The following XKR6 variants were observed in gnomAD, a reference collection of about 807,000 sequenced individuals.
XKR6 encodes the protein XK related 6.
A neutral mutation model predicts 56.7 loss-of-function variants in XKR6; 22 were observed. The observed-to-expected ratio is 0.39, with a 90% CI of 0.28 to 0.55. The LOEUF (loss-of-function observed/expected upper bound fraction) is 0.55, where lower values mean the gene tolerates loss of function less well. XKR6 is among the 20% of genes least tolerant of loss of function. The probability of loss-of-function intolerance (pLI) is 0.66; values close to 1 mark genes in which losing one functional copy is unlikely to be tolerated. For synonymous variants in XKR6, 524 were observed against 387.8 expected, an observed-to-expected ratio of 1.35 and a Z score of -4.13; for missense variants, 852 against 889.0, an observed-to-expected ratio of 0.96 and a Z score of 0.53.
At chr8:11,154,077 G>C (rs571834276) in intron 1 of XKR6, among the ~76,000 whole-genome samples, 66 of 152,264 alleles carry the variant, frequency 4.3e-4, no homozygotes, top group Non-Finnish European at 8.8e-5. Flanking sequence ...CTTTGCCCTC[G>C]GCTAGTGGGA....
At chr8:10,911,963 T>A (rs554186637) in intron 2 of XKR6, among the ~76,000 whole-genome samples, 1 of 147,398 alleles carries the variant, frequency 6.8e-6, no homozygotes, top group South Asian at 2.2e-4. Flanking sequence ...AGGTTGAGTT[T>A]ACACATATAT....
At chr8:10,904,481 G>C (rs546347160) in intron 2 of XKR6, among the ~76,000 whole-genome samples, 1 of 152,292 alleles carries the variant, frequency 6.6e-6, no homozygotes, top group Admixed American at 6.5e-5. Flanking sequence ...AGCCAGTTGG[G>C]GAACAAAGCA....
intron 1 of XKR6, chr8:11,194,933 C>T (rs1803789988): frequency 1.8e-6 from 1 of 545,642 alleles, no homozygotes; most frequent in African/African-American, 1.9e-5. Flanking sequence ...CGCTCCAAAG[C>T]ATGCCATTTT....
At chr8:10,918,481 C>A (rs1800624250) in intron 2 of XKR6, among the ~76,000 whole-genome samples, 1 of 152,210 alleles carries the variant, frequency 6.6e-6, no homozygotes. Flanking sequence ...TTGGCCATGG[C>A]ACAAGCCACC....
chr8:10,928,967 C>T (rs1182797340), intron 1 of XKR6, among the ~76,000 whole-genome samples: 1 of 152,214 alleles, frequency 6.6e-6, no homozygotes, highest in Non-Finnish European at 1.5e-5. Flanking sequence ...GCAGCAACGC[C>T]ACGTGTCCTC....
chr8:11,146,202 T>C (rs1176539316), intron 1 of XKR6, among the ~76,000 whole-genome samples: 1 of 152,178 alleles, frequency 6.6e-6, no homozygotes, highest in Non-Finnish European at 1.5e-5. Flanking sequence ...CAAAAAGTAA[T>C]GTAAAATGGA....
chr8:11,023,050 C>A (rs923953878), intron 1 of XKR6, among the ~76,000 whole-genome samples: 5 of 152,204 alleles, frequency 3.3e-5, no homozygotes, highest in African/African-American at 9.7e-5. Flanking sequence ...CCAGTTTGCT[C>A]AAACTCCAGA....
chr8:10,943,849 A>C (rs927767964), intron 1 of XKR6, among the ~76,000 whole-genome samples: 1 of 151,880 alleles, frequency 6.6e-6, no homozygotes, highest in East Asian at 1.9e-4. Context: ...CCACATCCCT[A>C]CGAATGAGAT....
At chr8:11,127,107 G>C (rs989079405) in intron 1 of XKR6, among the ~76,000 whole-genome samples, 13 of 152,106 alleles carry the variant, frequency 8.5e-5, no homozygotes, top group African/African-American at 3.1e-4. Flanking sequence ...GTGGTACATT[G>C]GATAAACATC....
intron 1 of XKR6, among the ~76,000 whole-genome samples, chr8:11,195,519 T>C (rs1180082167): frequency 2.0e-5 from 3 of 152,212 alleles, no homozygotes; most frequent in Non-Finnish European, 4.4e-5. Flanking sequence ...TATTGACACA[T>C]TATAGCACAT....
chr8:11,179,179 T>A (rs746172399), intron 1 of XKR6, among the ~76,000 whole-genome samples: 1 of 152,030 alleles, frequency 6.6e-6, no homozygotes, highest in East Asian at 1.9e-4. Context: ...TTCATTTTGA[T>A]TGGTTTCGGT....
At chr8:11,184,112 G>T (rs961598985) in intron 1 of XKR6, among the ~76,000 whole-genome samples, 3 of 152,080 alleles carry the variant, frequency 2.0e-5, no homozygotes, top group African/African-American at 7.2e-5. Context: ...GTGTATATTT[G>T]ACCTCTACCA....
intron 1 of XKR6, among the ~76,000 whole-genome samples, chr8:11,046,204 G>A (rs1323584467): frequency 2.0e-5 from 3 of 152,120 alleles, no homozygotes; most frequent in African/African-American, 7.2e-5. Context: ...TTTGAGACCA[G>A]CCTGATCAAT....
chr8:11,068,554 T>G (rs1333558088), intron 1 of XKR6, among the ~76,000 whole-genome samples: 1 of 152,112 alleles, frequency 6.6e-6, no homozygotes, highest in Non-Finnish European at 1.5e-5. Context: ...TTCTCCTCCC[T>G]GTCTCTTCTG....
At chr8:11,142,246 C>G (rs1269503048) in intron 1 of XKR6, among the ~76,000 whole-genome samples, 1 of 152,130 alleles carries the variant, frequency 6.6e-6, no homozygotes, top group Non-Finnish European at 1.5e-5. Flanking sequence ...AAAACTAGGA[C>G]TTCTTTGAAA....
At chr8:10,963,418 G>A (rs1802123602) in intron 1 of XKR6, among the ~76,000 whole-genome samples, 1 of 152,178 alleles carries the variant, frequency 6.6e-6, no homozygotes, top group Non-Finnish European at 1.5e-5. Flanking sequence ...CCTAGACACG[G>A]CTTTGCTTCG....
chr8:11,055,327 T>A (rs940455028), intron 1 of XKR6, among the ~76,000 whole-genome samples: 2 of 152,080 alleles, frequency 1.3e-5, no homozygotes, highest in African/African-American at 4.8e-5. Context: ...AGGAGGCATC[T>A]GATCAGATAT....
intron 1 of XKR6, among the ~76,000 whole-genome samples, chr8:10,982,319 G>C (rs143388794): frequency 1.3e-5 from 2 of 152,222 alleles, no homozygotes; most frequent in African/African-American, 4.8e-5. Flanking sequence ...AAGGAAGTCC[G>C]AAGAGATTTC....
At chr8:10,906,444 G>C (rs1563280637) in intron 2 of XKR6, among the ~76,000 whole-genome samples, 1 of 152,164 alleles carries the variant, frequency 6.6e-6, no homozygotes. Context: ...TTATCAGTCA[G>C]AATTAAATAC....
Sources: allele counts gnomAD v4.1 joint callset (sites outside exome capture counted in the v4.1 genomes callset), GRCh38; gene constraint gnomAD v4.1.1; transcripts MANE v1.5; gene names NCBI Gene and HGNC (gene_info 2026-07-23, HGNC 2026-07-21).